MIGA2: variants seen among roughly 807,000 people sequenced by gnomAD.
MIGA2 encodes the protein family with sequence similarity 73, member B.
MIGA2 carries 36 observed loss-of-function variants against 69.9 expected under a neutral mutation model. That is an observed-to-expected ratio of 0.52 (90% CI 0.39 to 0.68). The LOEUF is 0.68. Among genes scored for constraint, MIGA2 ranks in the 30% least tolerant of loss-of-function variants. The pLI is 0.00. For synonymous variants in MIGA2, 333 were observed against 349.2 expected (o/e 0.95, Z 0.52); for missense variants, 660 against 787.7 (o/e 0.84, Z 1.94).
intron 12 of MIGA2, 127 bp downstream of exon 12, chr9:129,067,998 C>A (rs1229140427): frequency 7.8e-7 from 1 of 1,277,486 alleles, no homozygotes; most frequent in East Asian, 2.5e-5. Context: ...CTCATAGTCC[C>A]CGGTTCCTGC....
chr9:129,036,792 A>G (rs1844612110), intron 1 of MIGA2, 111 bp downstream of exon 1: 1 of 228,458 alleles, frequency 4.4e-6, no homozygotes, highest in Non-Finnish European at 7.7e-6. Context: ...AGGACCAGGA[A>G]GGTGTCGGGG....
At position 129,061,126 on chromosome 9, in the gene MIGA2, G is replaced by A; in HGVS notation, c.895-105G>A. The A allele has an allele frequency of 1.1e-6, 1 of 916,740 alleles. No homozygotes were observed. The highest frequency in any genetic ancestry group is 1.7e-6 in the Non-Finnish European group (1 of 578,074). 56.8% of individuals were successfully genotyped at this position (916,740 alleles called of 1,614,324 possible). ...CCTCAGAGACGTTGGCAGTGGGCAG[G>A]CACCTGGGGTGGCCGCTGTGGCCGA... On this transcript the variant is annotated intron_variant, in intron 8 of 15. Transcript: ENST00000684074. The surrounding 1 kb of genome is among the most constrained non-coding windows in gnomAD (Gnocchi z 5.0).
At position 129,069,246 on chromosome 9, in the gene MIGA2, G is replaced by A. The variant is rs1188640823; in HGVS notation, c.1458+117G>A. On this transcript the variant is annotated intron_variant, in intron 14 of 15. Transcript: ENST00000684074. This position sits in a 1 kb window ranked among gnomAD's most constrained non-coding sequence, Gnocchi z 4.9. ...CTTGGCCTTCACCGCTCACAGTCCT[G>A]GCCCCCTTGTTCCGCCGTTACCTCT... is the stretch of plus-strand genomic sequence containing the variant. 7.6e-6 allele frequency: 10 copies of A among 1,321,066 alleles called. No individual in the cohort carries two copies. In the African/African-American group the frequency reaches 1.4e-4, roughly 19 times the overall value. 81.8% of individuals were successfully genotyped at this position (1,321,066 alleles called of 1,614,324 possible).
At chr9:129,051,018 C>T (rs990830166) in intron 6 of MIGA2, among the ~76,000 whole-genome samples, 9 of 150,884 alleles carry the variant, frequency 6.0e-5, no homozygotes, top group Non-Finnish European at 1.0e-4. Flanking sequence ...GGATTATAGG[C>T]GCATGCCACC....
At chr9:129,040,057 T>C (rs1258517914) in intron 1 of MIGA2, among the ~76,000 whole-genome samples, 1 of 152,248 alleles carries the variant, frequency 6.6e-6, no homozygotes, top group Non-Finnish European at 1.5e-5. Flanking sequence ...AAAACATTCT[T>C]AACTTTGTGG....
In MIGA2 at chr9:129,047,945, T is replaced by G. The variant is rs920045594; in HGVS notation, c.308-482T>G. On this transcript the variant is annotated intron_variant, in intron 3 of 15. Transcript: ENST00000684074. ...GGTTTCGCCATGTTGCCCAGGCTGG[T>G]CTTGAACTCCTGGGCTCAAGCAGTC... Among the ~76,000 whole-genome samples the G allele has an allele frequency of 2.6e-5, 4 of 151,726 alleles. No homozygotes were observed. In the South Asian group the frequency reaches 8.3e-4, roughly 31 times the overall value.
chr9:129,056,686 T>C (rs1845813697), intron 6 of MIGA2, among the ~76,000 whole-genome samples: 2 of 151,986 alleles, frequency 1.3e-5, no homozygotes, highest in South Asian at 4.2e-4. Context: ...GCCCAGCTAA[T>C]TTTTGTGTTT....
intron 2 of MIGA2, among the ~76,000 whole-genome samples, chr9:129,041,784 G>A (rs1188411924): frequency 6.6e-6 from 1 of 152,196 alleles, no homozygotes; most frequent in Non-Finnish European, 1.5e-5. Flanking sequence ...GGCCTGGGGG[G>A]CAGAGGGTGA....
chr9:129,059,320 T>C lies in MIGA2; in HGVS notation c.793+49T>C. 2 of 1,440,358 alleles carry C rather than the reference T, an allele frequency of 1.4e-6. No individual in the cohort carries two copies. Among genetic ancestry groups the C allele is most frequent in the South Asian group, 1.2e-5 (1 of 81,534 alleles). The allele number at this position is 1,440,358 out of a possible 1,614,324, so 89.2% of individuals were successfully genotyped here. A position where few individuals can be genotyped will look rare whatever the true frequency, so the allele number is the denominator to read the frequency against. ...GGGTGGGCGTGGAGGGTGGCAGGGA[T>C]GGAGGTGAGGAGAAGTTGCGAGAAC... On this transcript the variant is annotated intron_variant, in intron 7 of 15. Transcript: ENST00000684074. This position sits in a 1 kb window ranked among gnomAD's most constrained non-coding sequence, Gnocchi z 5.6.
intron 6 of MIGA2, among the ~76,000 whole-genome samples, 164 bp downstream of exon 6, chr9:129,050,127 T>G (rs1845443012): frequency 6.6e-6 from 1 of 152,214 alleles, no homozygotes; most frequent in Admixed American, 6.5e-5. Flanking sequence ...TGTCACGTGC[T>G]CAGCACAATG....
In MIGA2 at chr9:129,061,260, C is replaced by T. The variant is rs372660490; in HGVS notation, c.924C>T (p.Tyr308=). Residue 308 remains tyrosine (Y), a synonymous_variant, in exon 9 of 16, where the codon TAC becomes TAT. Coordinates refer to ENST00000684074, the MANE Select transcript of MIGA2 (RefSeq NM_001329990.2). The surrounding 1 kb of genome is among the most constrained non-coding windows in gnomAD (Gnocchi z 5.0). Reference sequence around the variant, plus strand: ...TTGAGTCCCTGCAGACTGGAGATTACCCGATCCCACTCTCCAGACCCGCCG... The same window carrying T: ...TTGAGTCCCTGCAGACTGGAGATTATCCGATCCCACTCTCCAGACCCGCCG... ...ELFESLQTGD[Y]PIPLSRPAAA... 6 of 1,611,456 alleles carry T rather than the reference C, an allele frequency of 3.7e-6. No homozygotes were observed. Among genetic ancestry groups the T allele is most frequent in the Non-Finnish European group, 5.1e-6 (6 of 1,179,336 alleles).
chr9:129,036,710 A>G (rs1338515670), intron 1 of MIGA2, 29 bp downstream of exon 1: 1 of 163,540 alleles, frequency 6.1e-6, no homozygotes, highest in Admixed American at 6.5e-5. Flanking sequence ...CGAGCCCCCA[A>G]GGCGGGCGGG....
chr9:129,050,202 G>A (rs1334959046), intron 6 of MIGA2, among the ~76,000 whole-genome samples: 2 of 152,260 alleles, frequency 1.3e-5, no homozygotes, highest in Non-Finnish European at 2.9e-5. Context: ...GAAGGGCAAC[G>A]TGTGGTCCTG....
chr9:129,066,223 G>A (rs1042878971), intron 11 of MIGA2, among the ~76,000 whole-genome samples: 1 of 152,174 alleles, frequency 6.6e-6, no homozygotes, highest in African/African-American at 2.4e-5. Context: ...TTTGAAGCCA[G>A]GTGGCCCGGA....
chr9:129,067,984 A>G (rs566192368), intron 12 of MIGA2, 113 bp downstream of exon 12: 8 of 1,326,060 alleles, frequency 6.0e-6, no homozygotes, highest in Middle Eastern at 1.8e-4. Context: ...CGGTTCCATC[A>G]CTGCTCATAG....
At chr9:129,062,560 T>A (rs1169069222) in intron 9 of MIGA2, among the ~76,000 whole-genome samples, 4 of 131,428 alleles carry the variant, frequency 3.0e-5, no homozygotes, top group Non-Finnish European at 6.3e-5. Flanking sequence ...GCAAAAAAAC[T>A]GGGCCAGGCG....
chr9:129,045,947 G>A (rs940413827), intron 3 of MIGA2, among the ~76,000 whole-genome samples: 2 of 150,116 alleles, frequency 1.3e-5, no homozygotes, highest in African/African-American at 4.9e-5. Context: ...TCCGCCTCCC[G>A]GGTTCAAGCA....
intron 1 of MIGA2, among the ~76,000 whole-genome samples, chr9:129,039,274 C>G (rs1400780040): frequency 6.6e-6 from 1 of 150,970 alleles, no homozygotes; most frequent in Non-Finnish European, 1.5e-5. Context: ...GAGATGGAGT[C>G]TCACTCTATT....
In MIGA2 at chr9:129,059,196, C is replaced by G; in HGVS notation, c.718C>G (p.Leu240Val). 1 of 1,612,814 alleles carries G rather than the reference C, an allele frequency of 6.2e-7. No individual in the cohort carries two copies. Among genetic ancestry groups the G allele is most frequent in the Non-Finnish European group, 8.5e-7 (1 of 1,179,412 alleles). The change falls in exon 7 of 16, where the codon CTG becomes GTG. Residue 240 changes from leucine to valine, a missense_variant. Coordinates refer to ENST00000684074, the MANE Select transcript of MIGA2 (RefSeq NM_001329990.2). This position sits in a 1 kb window ranked among gnomAD's most constrained non-coding sequence, Gnocchi z 5.6. ...GGAGTTTGCAGAGAAGCTGGAGTCC[C>G]TGCTGCACCGTGCCTACCACCTGCA... is the stretch of plus-strand genomic sequence containing the variant. ...RKEFAEKLES[L>V]LHRAYHLQEE...
Sources: allele counts gnomAD v4.1 joint callset (sites outside exome capture counted in the v4.1 genomes callset), GRCh38; gene constraint gnomAD v4.1.1; non-coding constraint Gnocchi (gnomAD v3.1); transcripts MANE v1.5; gene names NCBI Gene and HGNC (gene_info 2026-07-23, HGNC 2026-07-21).